OSBPL8: variants seen among roughly 807,000 people sequenced by gnomAD.
OSBPL8 encodes the protein oxysterol binding protein like 8.
A neutral mutation model predicts 125.5 loss-of-function variants in OSBPL8; 59 were observed. The ratio of observed to expected loss-of-function variants is 0.47; its 90% CI spans 0.38 to 0.58. The LOEUF is 0.58. Ranked by LOEUF, OSBPL8 falls within the 20% of genes least tolerant of loss-of-function variation. The pLI, the probability that OSBPL8 is intolerant of heterozygous loss-of-function variation, is 0.00. For missense variants in OSBPL8, 758 were observed against 1,047.8 expected, an observed-to-expected ratio of 0.72 and a Z score of 3.82; for synonymous variants, 330 against 338.9, an observed-to-expected ratio of 0.97 and a Z score of 0.29.
intron 1 of OSBPL8, among the ~76,000 whole-genome samples, chr12:76,499,037 T>C (rs187404604): frequency 1.3e-5 from 2 of 152,214 alleles, no homozygotes; most frequent in African/African-American, 4.8e-5. Flanking sequence ...TTTCAGTCAG[T>C]GGACTGGGAA....
At chr12:76,474,664 G>T (rs939739309) in intron 2 of OSBPL8, among the ~76,000 whole-genome samples, 7 of 151,982 alleles carry the variant, frequency 4.6e-5, no homozygotes, top group African/African-American at 1.7e-4. Flanking sequence ...TTTATTATTT[G>T]TAGAAACAAG....
chr12:76,442,301 A>G (rs1322587313), intron 4 of OSBPL8, among the ~76,000 whole-genome samples: 2 of 152,196 alleles, frequency 1.3e-5, no homozygotes, highest in East Asian at 1.9e-4. Context: ...CAAAGATACC[A>G]TAACATTTTA....
intron 11 of OSBPL8, 172 bp from the exon 12 acceptor site, chr12:76,390,001 A>G: frequency 2.1e-6 from 1 of 476,086 alleles, no homozygotes; most frequent in Non-Finnish European, 3.4e-6. Context: ...TAGGTAAAAA[A>G]GGGTAGCTGA....
intron 4 of OSBPL8, among the ~76,000 whole-genome samples, chr12:76,430,685 C>G (rs1198256815): frequency 6.6e-6 from 1 of 152,124 alleles, no homozygotes; most frequent in East Asian, 1.9e-4. Context: ...CAACATTTTT[C>G]AATGGAAACC....
At position 76,358,814 on chromosome 12, in the gene OSBPL8, A is replaced by G. The variant is rs1456672550; in HGVS notation, c.2329-3T>C. ...TGTTTCATTTTGGGGACGCTAACCT[A>G]AAGAAAAAAATAACTATTTTGTGAA... On this transcript the variant is annotated splice_region_variant and splice_polypyrimidine_tract_variant and intron_variant, in intron 21 of 23. Coordinates refer to ENST00000261183, the MANE Select transcript of OSBPL8 (RefSeq NM_020841.5). The G allele has an allele frequency of 6.2e-7, 1 of 1,610,586 alleles. No individual in the cohort carries two copies.
At chr12:76,378,180 G>T (rs1592557481) in intron 16 of OSBPL8, among the ~76,000 whole-genome samples, 1 of 152,228 alleles carries the variant, frequency 6.6e-6, no homozygotes, top group East Asian at 1.9e-4. Flanking sequence ...TTGAAAATTT[G>T]CACATCAGGC....
intron 4 of OSBPL8, among the ~76,000 whole-genome samples, chr12:76,447,210 T>C (rs966600457): frequency 6.6e-6 from 1 of 152,198 alleles, no homozygotes; most frequent in African/African-American, 2.4e-5. Flanking sequence ...AAATATATCA[T>C]CTTTATCTTC....
chr12:76,367,493 G>C (rs1490319757), intron 21 of OSBPL8, among the ~76,000 whole-genome samples: 2 of 151,992 alleles, frequency 1.3e-5, no homozygotes, highest in African/African-American at 4.8e-5. Context: ...AAATAGTTGG[G>C]TCATGTTTAT....
chr12:76,457,674 C>T (rs1332698489), intron 3 of OSBPL8, among the ~76,000 whole-genome samples: 1 of 152,066 alleles, frequency 6.6e-6, no homozygotes. Flanking sequence ...TGGCAGAGTA[C>T]ATGATAAAGT....
At position 76,543,456 on chromosome 12, in the gene OSBPL8, T is replaced by C. The variant is rs562187022; in HGVS notation, c.-68+15941A>G. On this transcript the variant is annotated intron_variant, in intron 1 of 23. Coordinates refer to ENST00000261183, the MANE Select transcript of OSBPL8 (RefSeq NM_020841.5). ...ATATATAAATATGTTATCATACATA[T>C]TACATATATATTTCTTCCTCTCAGC... is the stretch of plus-strand genomic sequence containing the variant. Among the ~76,000 whole-genome samples, 9 of 150,070 alleles carry C rather than the reference T, an allele frequency of 6.0e-5. No individual in the cohort carries two copies. The East Asian group carries it at 1.4e-3, about 24-fold the overall frequency.
At chr12:76,553,221 G>A (rs1950993530) in intron 1 of OSBPL8, among the ~76,000 whole-genome samples, 1 of 151,726 alleles carries the variant, frequency 6.6e-6, no homozygotes, top group Non-Finnish European at 1.5e-5. Flanking sequence ...TTTCCACATG[G>A]GCCCCAGCCT....
intron 14 of OSBPL8, among the ~76,000 whole-genome samples, chr12:76,385,343 G>C (rs773555408): frequency 2.6e-5 from 4 of 152,102 alleles, no homozygotes; most frequent in Non-Finnish European, 5.9e-5. Flanking sequence ...AGTTTATGCA[G>C]ACAGAAGACT....
intron 2 of OSBPL8, among the ~76,000 whole-genome samples, chr12:76,486,465 T>C (rs1260744512): frequency 6.6e-6 from 1 of 152,164 alleles, no homozygotes; most frequent in Non-Finnish European, 1.5e-5. Flanking sequence ...ACCTTTACTT[T>C]AGGTAACAGA....
chr12:76,449,991 C>A (rs991966657), intron 4 of OSBPL8, among the ~76,000 whole-genome samples: 8 of 151,966 alleles, frequency 5.3e-5, no homozygotes, highest in Admixed American at 5.2e-4. Flanking sequence ...TGCATGAGAC[C>A]AGATTTTATT....
intron 4 of OSBPL8, among the ~76,000 whole-genome samples, chr12:76,441,246 T>C (rs1872147946): frequency 6.6e-6 from 1 of 152,142 alleles, no homozygotes; most frequent in Non-Finnish European, 1.5e-5. Flanking sequence ...CCAGGGGATA[T>C]TGGGCCATCT....
intron 3 of OSBPL8, among the ~76,000 whole-genome samples, chr12:76,459,174 T>G (rs549782771): frequency 6.6e-6 from 1 of 152,190 alleles, no homozygotes; most frequent in African/African-American, 2.4e-5. Flanking sequence ...CTTCATTAGA[T>G]AATTTCTGAA....
At chr12:76,472,168 T>C (rs1565924464) in intron 2 of OSBPL8, among the ~76,000 whole-genome samples, 1 of 152,236 alleles carries the variant, frequency 6.6e-6, no homozygotes, top group Non-Finnish European at 1.5e-5. Context: ...AAAAGCTATA[T>C]AATTTCTCTT....
At chr12:76,362,413 C>A (rs189480255) in intron 21 of OSBPL8, among the ~76,000 whole-genome samples, 1 of 152,128 alleles carries the variant, frequency 6.6e-6, no homozygotes, top group African/African-American at 2.4e-5. Context: ...ATCACATAAA[C>A]AGAACCAATG....
chr12:76,362,896 CAGAG>C (rs1347324807), intron 21 of OSBPL8, among the ~76,000 whole-genome samples: 10 of 152,102 alleles, frequency 6.6e-5, no homozygotes, highest in African/African-American at 2.2e-4. Context: ...CAATAATAGA[CAGAG>C]AGCCAAATCA....
Sources: allele counts gnomAD v4.1 joint callset (sites outside exome capture counted in the v4.1 genomes callset), GRCh38; gene constraint gnomAD v4.1.1; transcripts MANE v1.5; gene names NCBI Gene and HGNC (gene_info 2026-07-23, HGNC 2026-07-21).